Variants in SLC2A13 observed in about 807,000 individuals in gnomAD.
The protein encoded by SLC2A13 is solute carrier family 2 member 13, also known as proton myo-inositol cotransporter.
In SLC2A13, 32 loss-of-function variants were observed where a neutral mutation model predicts 64.4. That is an observed-to-expected ratio of 0.50 (90% CI 0.37 to 0.67). The LOEUF is 0.67. Among genes scored for constraint, SLC2A13 ranks in the 30% least tolerant of loss-of-function variants. The probability of loss-of-function intolerance (pLI) is 0.00; values close to 1 mark genes in which losing one functional copy is unlikely to be tolerated. For missense variants in SLC2A13, 743 were observed against 829.2 expected, an observed-to-expected ratio of 0.90 and a Z score of 1.28; for synonymous variants, 338 against 327.1, an observed-to-expected ratio of 1.03 and a Z score of -0.36.
chr12:39,773,868 G>A (rs1940673212), intron 7 of SLC2A13, among the ~76,000 whole-genome samples: 1 of 152,190 alleles, frequency 6.6e-6, no homozygotes, highest in African/African-American at 2.4e-5. Flanking sequence ...GAAAAGGGGA[G>A]AGCTTACTAC....
intron 2 of SLC2A13, among the ~76,000 whole-genome samples, chr12:40,034,395 A>C (rs1446004490): frequency 6.6e-6 from 1 of 152,214 alleles, no homozygotes; most frequent in Non-Finnish European, 1.5e-5. Context: ...AGTCACAGTT[A>C]ATCTTGATAC....
At chr12:39,898,563 G>T (rs1240611981) in intron 4 of SLC2A13, among the ~76,000 whole-genome samples, 1 of 152,072 alleles carries the variant, frequency 6.6e-6, no homozygotes, top group Non-Finnish European at 1.5e-5. Flanking sequence ...AAAATAGCTG[G>T]CTTGTCTTTA....
chr12:40,004,108 C>T (rs999610084), intron 3 of SLC2A13, among the ~76,000 whole-genome samples: 3 of 152,018 alleles, frequency 2.0e-5, no homozygotes, highest in Non-Finnish European at 4.4e-5. Flanking sequence ...ACACTGTATT[C>T]GGTTTTATAA....
intron 4 of SLC2A13, chr12:39,951,011 G>A (rs544363159): frequency 2.4e-4 from 100 of 413,608 alleles, no homozygotes; most frequent in African/African-American, 1.7e-3. Context: ...ATTGGATGGC[G>A]TAAAAGAGAA....
intron 4 of SLC2A13, among the ~76,000 whole-genome samples, chr12:39,897,321 G>C (rs770873753): frequency 7.2e-5 from 11 of 152,180 alleles, no homozygotes; most frequent in Non-Finnish European, 1.2e-4. Context: ...TGAAAGATAA[G>C]CTCAAGCAGA....
In SLC2A13 at chr12:40,025,823, T is replaced by C. The variant is rs532372573; in HGVS notation, c.925+2478A>G. On this transcript the variant is annotated intron_variant, in intron 3 of 9. Coordinates refer to ENST00000280871, the MANE Select transcript of SLC2A13 (RefSeq NM_052885.4). ...GGCTGATTCATCTTTTCTGTGCCAG[T>C]GCATTTTTATTACTTTGAAGTTAGC... 8.5e-5 allele frequency among the ~76,000 whole-genome samples: 13 copies of C among 152,336 alleles called. No homozygotes were observed. The South Asian group carries it at 2.3e-3, about 27-fold the overall frequency.
intron 1 of SLC2A13, among the ~76,000 whole-genome samples, chr12:40,089,853 A>C (rs1035077713): frequency 6.6e-6 from 1 of 152,202 alleles, no homozygotes; most frequent in Non-Finnish European, 1.5e-5. Context: ...GTTATCAAGC[A>C]TAACAGCCAT....
At chr12:40,087,800 C>T (rs893661899) in intron 1 of SLC2A13, among the ~76,000 whole-genome samples, 1 of 152,044 alleles carries the variant, frequency 6.6e-6, no homozygotes, top group Non-Finnish European at 1.5e-5. Context: ...AAACCTAGGG[C>T]TCAGAAGGGG....
intron 3 of SLC2A13, among the ~76,000 whole-genome samples, chr12:40,020,478 C>T (rs1947694174): frequency 6.6e-6 from 1 of 152,188 alleles, no homozygotes. Flanking sequence ...TTTCCTGAGG[C>T]CTTCCCAGCC....
At position 39,759,464 on chromosome 12, in the gene SLC2A13, A is replaced by C. The variant is rs1203952527; in HGVS notation, c.*562T>G. On this transcript the variant is annotated 3_prime_UTR_variant, in exon 10 of 10. Transcript: ENST00000280871. ...GAAACAAAAATATGGAATCCAAAGG[A>C]GATACGGACAGCTGTGCCCTTGTAG... 3 of 152,750 alleles carry C rather than the reference A, an allele frequency of 2.0e-5. No homozygotes were observed. Among genetic ancestry groups the C allele is most frequent in the Non-Finnish European group, 4.4e-5 (3 of 68,120 alleles). 9.5% of individuals were successfully genotyped at this position (152,750 alleles called of 1,614,324 possible).
chr12:39,976,638 C>T (rs1340086422), intron 3 of SLC2A13, among the ~76,000 whole-genome samples: 2 of 152,042 alleles, frequency 1.3e-5, no homozygotes, highest in Non-Finnish European at 2.9e-5. Flanking sequence ...CCTCAAGCAA[C>T]CTTCCTGCTT....
intron 1 of SLC2A13, among the ~76,000 whole-genome samples, chr12:40,078,403 GATC>G (rs1462026888): frequency 6.6e-6 from 1 of 152,132 alleles, no homozygotes; most frequent in Non-Finnish European, 1.5e-5. Flanking sequence ...TGTCTATTGA[GATC>G]ATCATGTGGT....
At chr12:39,896,467 CATATATGTATATGTGT>C (rs1210881131) in intron 4 of SLC2A13, among the ~76,000 whole-genome samples, 4 of 124,116 alleles carry the variant, frequency 3.2e-5, no homozygotes, top group African/African-American at 1.2e-4. Flanking sequence ...TATATGTATA[CATATATGTATATGTGT>C]ATATATGTAC....
intron 3 of SLC2A13, among the ~76,000 whole-genome samples, chr12:40,021,132 T>C (rs544105450): frequency 2.0e-5 from 3 of 152,320 alleles, no homozygotes; most frequent in South Asian, 2.1e-4. Context: ...ACTAAGACAA[T>C]CTGGATTCTC....
At chr12:39,941,876 T>C (rs1480455830) in intron 4 of SLC2A13, among the ~76,000 whole-genome samples, 1 of 152,222 alleles carries the variant, frequency 6.6e-6, no homozygotes, top group East Asian at 1.9e-4. Context: ...CCATTTTGAG[T>C]TGATTTTTCA....
At chr12:39,867,021 C>T (rs1346281041) in intron 5 of SLC2A13, among the ~76,000 whole-genome samples, 2 of 152,094 alleles carry the variant, frequency 1.3e-5, no homozygotes, top group Non-Finnish European at 2.9e-5. Flanking sequence ...TAGTTTGAGC[C>T]ATTACTTTTC....
At chr12:39,783,807 A>T (rs1195105188) in intron 7 of SLC2A13, among the ~76,000 whole-genome samples, 1 of 152,158 alleles carries the variant, frequency 6.6e-6, no homozygotes, top group Non-Finnish European at 1.5e-5. Flanking sequence ...AGATGACATG[A>T]CTGTATATTT....
At chr12:39,901,637 A>G (rs1347291513) in intron 4 of SLC2A13, among the ~76,000 whole-genome samples, 1 of 126,784 alleles carries the variant, frequency 7.9e-6, no homozygotes, top group African/African-American at 3.0e-5. Flanking sequence ...CAAAACCACA[A>G]TGAGATACCA....
intron 3 of SLC2A13, among the ~76,000 whole-genome samples, chr12:39,993,763 A>G (rs1947178481): frequency 6.6e-6 from 1 of 152,236 alleles, no homozygotes; most frequent in Non-Finnish European, 1.5e-5. Context: ...TGTAATGATT[A>G]GGAAAATCTT....
Sources: gnomAD v4.1 joint callset for allele counts (sites outside exome capture counted in the v4.1 genomes callset) on GRCh38, gnomAD v4.1.1 for gene constraint, MANE v1.5 for transcripts, NCBI Gene and HGNC (gene_info 2026-07-23, HGNC 2026-07-21) for gene names.